The following PEX7 variants were observed in gnomAD, a reference collection of about 807,000 sequenced individuals.
PEX7 encodes the protein PTS2 receptor.
Under a neutral mutation model 47.5 loss-of-function variants are expected in PEX7, and 34 were observed. The observed-to-expected ratio is 0.72, with a 90% confidence interval of 0.54 to 0.95. The LOEUF is 0.95. PEX7 is among the 40% of genes least tolerant of loss of function. The pLI, the probability that PEX7 is intolerant of heterozygous loss-of-function variation, is 0.00. For missense variants in PEX7, 394 were observed against 400.3 expected, an observed-to-expected ratio of 0.98 and a Z score of 0.13; for synonymous variants, 141 against 148.8, an observed-to-expected ratio of 0.95 and a Z score of 0.38.
At chr6:136,873,777 TTGTC>T (rs1158819244) in intron 8 of PEX7, among the ~76,000 whole-genome samples, 1 of 152,220 alleles carries the variant, frequency 6.6e-6, no homozygotes, top group Non-Finnish European at 1.5e-5. Flanking sequence ...GTTTACTTGT[TTGTC>T]ATACTAAGAA....
At chr6:136,866,756 A>T in intron 6 of PEX7, 23 bp downstream of exon 6, 3 of 1,558,070 alleles carry the variant, frequency 1.9e-6, no homozygotes, top group Non-Finnish European at 2.7e-6. Flanking sequence ...GCTCTATCCT[A>T]TGCTGCTGTC....
At chr6:136,839,038 T>G (rs1349433131) in intron 3 of PEX7, among the ~76,000 whole-genome samples, 1 of 151,954 alleles carries the variant, frequency 6.6e-6, no homozygotes, top group Non-Finnish European at 1.5e-5. Flanking sequence ...AAAAATTAGC[T>G]GGTGTTGTGG....
intron 5 of PEX7, 70 bp downstream of exon 5, chr6:136,846,251 G>A (rs1774598711): frequency 2.3e-6 from 2 of 858,408 alleles, no homozygotes; most frequent in Non-Finnish European, 2.0e-6. Context: ...CCATTAGGTG[G>A]CGCTGTGTAC....
intron 3 of PEX7, among the ~76,000 whole-genome samples, chr6:136,830,749 A>G (rs905941460): frequency 6.6e-6 from 1 of 152,254 alleles, no homozygotes; most frequent in Non-Finnish European, 1.5e-5. Flanking sequence ...TAAAGATGAC[A>G]TAAATCAATG....
intron 5 of PEX7, among the ~76,000 whole-genome samples, chr6:136,856,854 A>G (rs980534154): frequency 3.9e-5 from 6 of 152,184 alleles, no homozygotes; most frequent in Admixed American, 3.3e-4. Flanking sequence ...AAAATCAAGT[A>G]CTGGACCTGT....
At chr6:136,863,070 G>A (rs553922350) in intron 5 of PEX7, among the ~76,000 whole-genome samples, 1 of 152,194 alleles carries the variant, frequency 6.6e-6, no homozygotes, top group Non-Finnish European at 1.5e-5. Flanking sequence ...ATTATAATGA[G>A]GGCCGTTGGA....
intron 3 of PEX7, among the ~76,000 whole-genome samples, chr6:136,841,996 CTTTTTCTTTTT>C (rs969022440): frequency 4.7e-5 from 7 of 147,760 alleles, no homozygotes; most frequent in African/African-American, 1.5e-4. Flanking sequence ...CCTTTCTTTT[CTTTTTCTTTTT>C]TTTTTTTTTG....
intron 9 of PEX7, among the ~76,000 whole-genome samples, chr6:136,902,951 CA>C (rs1775777926): frequency 6.6e-6 from 1 of 152,072 alleles, no homozygotes; most frequent in African/African-American, 2.4e-5. Flanking sequence ...ATGTTTTCCT[CA>C]TGACAAAATT....
At chr6:136,892,578 A>G (rs1338855562) in intron 8 of PEX7, among the ~76,000 whole-genome samples, 1 of 150,712 alleles carries the variant, frequency 6.6e-6, no homozygotes, top group African/African-American at 2.5e-5. Context: ...TTATTTGCTC[A>G]TTCATTCATT....
chr6:136,895,877 T>C lies in PEX7; in HGVS notation c.804-2265T>C, dbSNP rs1582775857. Reference sequence around the variant, plus strand: ...CTCTTTGCAAGATGCAGATAAATACTGGATAGTTTTTCCCAGGTTAAAATT... The same window carrying C: ...CTCTTTGCAAGATGCAGATAAATACCGGATAGTTTTTCCCAGGTTAAAATT... On this transcript the variant is annotated intron_variant, in intron 8 of 9. Transcript: ENST00000318471. Among the ~76,000 whole-genome samples the C allele has an allele frequency of 3.9e-5, 6 of 152,200 alleles. No individual in the cohort carries two copies. The East Asian group carries it at 1.2e-3, about 29-fold the overall frequency.
intron 3 of PEX7, among the ~76,000 whole-genome samples, chr6:136,834,057 T>C (rs1774342212): frequency 1.3e-5 from 2 of 152,200 alleles, no homozygotes; most frequent in East Asian, 1.9e-4. Flanking sequence ...TGATAGATAT[T>C]GAAAAGAGGT....
intron 7 of PEX7, among the ~76,000 whole-genome samples, chr6:136,871,741 A>G (rs747285205): frequency 9.9e-5 from 15 of 152,042 alleles, no homozygotes; most frequent in Admixed American, 6.6e-4. Context: ...TTGTATTTTT[A>G]GTACAGGCGG....
rs35220728 is a variant in PEX7, at chr6:136,850,917, G to GTTT, written c.526+4755_526+4757dup. Among the ~76,000 whole-genome samples, 274 of 69,156 alleles carry GTTT rather than the reference G, an allele frequency of 4.0e-3. 1 individual carries two copies. Among genetic ancestry groups the GTTT allele is most frequent in the Non-Finnish European group, 5.1e-3 (193 of 38,150 alleles). 45.4% of individuals were successfully genotyped at this position (69,156 alleles called of 152,430 possible). Reference sequence around the variant, plus strand: ...TACTGCCCTCAGATCAAAACTGATGGTTTTTTTTTTTTTTTTTTTTTGCAT... The same window carrying GTTT: ...TACTGCCCTCAGATCAAAACTGATGGTTTTTTTTTTTTTTTTTTTTTTTTGCAT... On this transcript the variant is annotated intron_variant, in intron 5 of 9. Transcript: ENST00000318471.
chr6:136,849,924 C>T (rs1042586472), intron 5 of PEX7, among the ~76,000 whole-genome samples: 4 of 151,980 alleles, frequency 2.6e-5, no homozygotes, highest in Non-Finnish European at 4.4e-5. Context: ...CTTTCTGTCT[C>T]GTTGATCTGT....
At chr6:136,893,085 A>G (rs1775584893) in intron 8 of PEX7, among the ~76,000 whole-genome samples, 1 of 152,230 alleles carries the variant, frequency 6.6e-6, no homozygotes, top group South Asian at 2.1e-4. Context: ...TTCACAAGTT[A>G]TCTGTAAATT....
chr6:136,874,415 T>C (rs781344973), intron 8 of PEX7, among the ~76,000 whole-genome samples: 1 of 152,216 alleles, frequency 6.6e-6, no homozygotes, highest in Admixed American at 6.5e-5. Flanking sequence ...CTCATGCCTG[T>C]ATTCCCAGCA....
At position 136,913,535 on chromosome 6, in the gene PEX7, ACTT is replaced by A. The variant is rs1216362014; in HGVS notation, c.*10_*12del. The A allele has an allele frequency of 3.2e-6, 5 of 1,586,094 alleles. No homozygotes were observed. The highest frequency in any genetic ancestry group is 4.3e-6 in the Non-Finnish European group (5 of 1,155,112). On this transcript the variant is annotated 3_prime_UTR_variant, in exon 10 of 10. Transcript: ENST00000318471. ...TTACTATTCCTGCTTGAGATACACT[ACTT>A]TGGTCAGAAACAGAGGATGTTGGCT...
intron 3 of PEX7, among the ~76,000 whole-genome samples, chr6:136,842,613 C>G (rs1341653713): frequency 6.6e-6 from 1 of 152,144 alleles, no homozygotes; most frequent in Non-Finnish European, 1.5e-5. Context: ...CTGTACCTAC[C>G]TAGCAGTGAT....
rs1775735394 is a variant in PEX7, at chr6:136,900,521, C to G, written c.903+2280C>G. On this transcript the variant is annotated intron_variant, in intron 9 of 9. Coordinates refer to ENST00000318471, the MANE Select transcript of PEX7 (RefSeq NM_000288.4). The surrounding 1 kb of genome is among the most constrained non-coding windows in gnomAD (Gnocchi z 4.2). The stretch of plus-strand genomic sequence containing the variant: ...TCATTGTAATTGGTCCTGATAGCTT[C>G]CACCATCTTAGCCAAAGCCCTTTTG... 2 of 474,064 alleles carry G rather than the reference C, an allele frequency of 4.2e-6. No homozygotes were observed. Among genetic ancestry groups the G allele is most frequent in the South Asian group, 3.1e-5 (2 of 64,946 alleles). The allele number at this position is 474,064 out of a possible 1,614,324, so 29.4% of individuals were successfully genotyped here.
Sources: allele counts gnomAD v4.1 joint callset (sites outside exome capture counted in the v4.1 genomes callset), GRCh38; gene constraint gnomAD v4.1.1; non-coding constraint Gnocchi (gnomAD v3.1); transcripts MANE v1.5; gene names NCBI Gene and HGNC (gene_info 2026-07-23, HGNC 2026-07-21).